Variants in WDR70 observed in about 807,000 individuals in gnomAD.
WDR70 encodes the protein WD repeat-containing protein 70.
In WDR70, 53 loss-of-function variants were observed where a neutral mutation model predicts 88.6. The observed-to-expected ratio is 0.60, with a 90% CI of 0.48 to 0.75. The LOEUF (loss-of-function observed/expected upper bound fraction) is 0.75. Among genes scored for constraint, WDR70 ranks in the 30% least tolerant of loss-of-function variants. The pLI, the probability that WDR70 is intolerant of heterozygous loss-of-function variation, is 0.00. For missense variants in WDR70, 610 were observed against 823.2 expected, an observed-to-expected ratio of 0.74 and a Z score of 3.17; for synonymous variants, 280 against 270.0, an observed-to-expected ratio of 1.04 and a Z score of -0.36.
At chr5:37,451,703 A>G (rs1409988452) in intron 7 of WDR70, among the ~76,000 whole-genome samples, 1 of 152,158 alleles carries the variant, frequency 6.6e-6, no homozygotes, top group East Asian at 1.9e-4. Flanking sequence ...TTTTAAATGA[A>G]GAAAAAGTGA....
At chr5:37,625,300 G>A (rs1744630879) in intron 10 of WDR70, among the ~76,000 whole-genome samples, 1 of 152,036 alleles carries the variant, frequency 6.6e-6, no homozygotes. Context: ...CACCAATAGT[G>A]TATGAGTTCC....
At chr5:37,467,797 A>G (rs1475862835) in intron 7 of WDR70, among the ~76,000 whole-genome samples, 1 of 151,684 alleles carries the variant, frequency 6.6e-6, no homozygotes, top group Non-Finnish European at 1.5e-5. Context: ...GCTCACTGCA[A>G]GCTCCGCCTC....
rs1581465052 is a variant in WDR70, at chr5:37,649,883, G to A, written c.1092+44645G>A. Among the ~76,000 whole-genome samples, 3 of 145,130 alleles carry A rather than the reference G, an allele frequency of 2.1e-5. 1 individual carries two copies. In the South Asian group the frequency reaches 6.7e-4, roughly 32 times the overall value. On this transcript the variant is annotated intron_variant, in intron 10 of 17. Transcript: ENST00000265107. ...CTCCCGAGTAGCTGGGACTACAGGC[G>A]CCCGCCACCACGCCCGGCTAATTTT...
rs1471883122 is a variant in WDR70 at position 37,563,538 on chromosome 5, G to A, written c.918-41526G>A. 6.3e-5 allele frequency among the ~76,000 whole-genome samples: 4 copies of A among 63,344 alleles called. 1 individual carries two copies. The highest frequency in any genetic ancestry group is 1.1e-4 in the African/African-American group (2 of 18,650). The allele number at this position is 63,344 out of a possible 152,430, so 41.6% of individuals were successfully genotyped here. A position where few individuals can be genotyped will look rare whatever the true frequency, so the allele number is the denominator to read the frequency against. The stretch of plus-strand genomic sequence containing the variant: ...GCGCCCCTCACCTCCCGGATGGGGC[G>A]GCTGGCCGGGCGGGGGGCTGACCCC... On this transcript the variant is annotated intron_variant, in intron 9 of 17. Coordinates refer to ENST00000265107, the MANE Select transcript of WDR70 (RefSeq NM_018034.4).
chr5:37,621,688 C>G (rs1471488447), intron 10 of WDR70, among the ~76,000 whole-genome samples: 2 of 152,110 alleles, frequency 1.3e-5, no homozygotes, highest in Non-Finnish European at 2.9e-5. Flanking sequence ...TGCCTGTTCA[C>G]TCTGATGGTG....
At chr5:37,670,293 A>T (rs1745988102) in intron 10 of WDR70, among the ~76,000 whole-genome samples, 1 of 152,138 alleles carries the variant, frequency 6.6e-6, no homozygotes. Flanking sequence ...AGCTAACTGG[A>T]ATTCCATTTA....
intron 10 of WDR70, among the ~76,000 whole-genome samples, chr5:37,650,026 T>G (rs1413893607): frequency 5.8e-5 from 3 of 51,724 alleles, no homozygotes; most frequent in African/African-American, 1.2e-4. Context: ...CGTGAGCCAC[T>G]GCGCCCGGCC....
intron 10 of WDR70, among the ~76,000 whole-genome samples, chr5:37,625,551 G>A (rs1054100239): frequency 2.6e-5 from 4 of 151,950 alleles, no homozygotes; most frequent in African/African-American, 9.7e-5. Flanking sequence ...TTGAGGCAGA[G>A]TGTCACTCTG....
intron 8 of WDR70, among the ~76,000 whole-genome samples, chr5:37,493,502 G>A (rs993925275): frequency 2.0e-5 from 3 of 152,194 alleles, no homozygotes; most frequent in Non-Finnish European, 4.4e-5. Context: ...TATTGTGCCA[G>A]CAACCAGAAT....
intron 17 of WDR70, among the ~76,000 whole-genome samples, chr5:37,737,230 G>A (rs906329944): frequency 6.6e-6 from 1 of 152,112 alleles, no homozygotes; most frequent in Non-Finnish European, 1.5e-5. Flanking sequence ...TGTGAGGCAA[G>A]TGTTATTATT....
intron 9 of WDR70, among the ~76,000 whole-genome samples, chr5:37,517,366 T>G (rs1453869985): frequency 2.4e-5 from 3 of 122,464 alleles, no homozygotes; most frequent in Admixed American, 1.0e-4. Context: ...CCTTGGTTAT[T>G]AAATTTTTTT....
intron 10 of WDR70, among the ~76,000 whole-genome samples, chr5:37,682,481 G>T (rs1175722331): frequency 6.6e-6 from 1 of 150,838 alleles, no homozygotes; most frequent in African/African-American, 2.4e-5. Context: ...GGGTTGCTTT[G>T]CTTTTGCTTC....
chr5:37,476,503 A>G (rs909902274), intron 7 of WDR70, among the ~76,000 whole-genome samples: 1 of 152,084 alleles, frequency 6.6e-6, no homozygotes, highest in Non-Finnish European at 1.5e-5. Context: ...GCATCCTGTG[A>G]ATACTATTGT....
At chr5:37,671,011 C>T (rs1404110695) in intron 10 of WDR70, among the ~76,000 whole-genome samples, 4 of 152,188 alleles carry the variant, frequency 2.6e-5, no homozygotes, top group Admixed American at 6.5e-5. Context: ...TATATTCAGT[C>T]TAGACCTGGA....
rs1250919442 is a variant in WDR70, at chr5:37,752,610, G to A, written c.*37G>A. The A allele has an allele frequency of 3.4e-6, 5 of 1,489,724 alleles. No individual in the cohort carries two copies. Among genetic ancestry groups the A allele is most frequent in the Non-Finnish European group, 4.6e-6 (5 of 1,075,804 alleles). 92.3% of individuals were successfully genotyped at this position (1,489,724 alleles called of 1,614,324 possible). On this transcript the variant is annotated 3_prime_UTR_variant, in exon 18 of 18. Transcript: ENST00000265107. Reference sequence around the variant, plus strand: ...TGAGAGCTGTTTGCATGAGTGGGAGGGGTATGGGACAGGTTTGGGTTTTTT... The same window carrying A: ...TGAGAGCTGTTTGCATGAGTGGGAGAGGTATGGGACAGGTTTGGGTTTTTT...
At chr5:37,745,015 G>A (rs1269541910) in intron 17 of WDR70, among the ~76,000 whole-genome samples, 9 of 152,084 alleles carry the variant, frequency 5.9e-5, no homozygotes, top group African/African-American at 2.2e-4. Context: ...GTTAAGGGCA[G>A]CCAGAGAGAA....
At chr5:37,664,233 C>G (rs1191269637) in intron 10 of WDR70, among the ~76,000 whole-genome samples, 1 of 152,218 alleles carries the variant, frequency 6.6e-6, no homozygotes, top group Non-Finnish European at 1.5e-5. Flanking sequence ...ACTCTTATGA[C>G]AATATTACTC....
intron 5 of WDR70, among the ~76,000 whole-genome samples, chr5:37,414,411 G>A (rs996434665): frequency 6.6e-6 from 1 of 152,018 alleles, no homozygotes; most frequent in Non-Finnish European, 1.5e-5. Context: ...AACTTCACAT[G>A]GCTCCCTTAT....
intron 9 of WDR70, among the ~76,000 whole-genome samples, chr5:37,581,147 C>G (rs1040869808): frequency 6.6e-6 from 1 of 152,106 alleles, no homozygotes; most frequent in Non-Finnish European, 1.5e-5. Flanking sequence ...GAAAGAAACA[C>G]TTTTCCCCAG....
Sources: allele counts gnomAD v4.1 joint callset (sites outside exome capture counted in the v4.1 genomes callset), GRCh38; gene constraint gnomAD v4.1.1; transcripts MANE v1.5; gene names NCBI Gene and HGNC (gene_info 2026-07-23, HGNC 2026-07-21).